Variants in CEP89 observed in about 807,000 individuals in gnomAD.
CEP89 encodes the protein centrosomal protein 89.
Under a neutral mutation model 97.6 loss-of-function variants are expected in CEP89, and 95 were observed. That is an observed-to-expected ratio of 0.97 (90% CI 0.82 to 1.15). The LOEUF (loss-of-function observed/expected upper bound fraction) is 1.15. Among genes scored for constraint, CEP89 ranks in the 50% most tolerant of loss-of-function variants. The probability of loss-of-function intolerance (pLI) is 0.00; values close to 1 mark genes in which losing one functional copy is unlikely to be tolerated. For missense variants in CEP89, 869 were observed against 947.7 expected, an observed-to-expected ratio of 0.92 and a Z score of 1.09; for synonymous variants, 354 against 349.1, an observed-to-expected ratio of 1.01 and a Z score of -0.16.
intron 16 of CEP89, among the ~76,000 whole-genome samples, chr19:32,893,478 C>G (rs1396769211): frequency 6.6e-6 from 1 of 152,276 alleles, no homozygotes; most frequent in East Asian, 1.9e-4. Context: ...ATCATCAAGA[C>G]AGAAAACTAA....
At chr19:32,963,811 G>T (rs1359178184) in intron 2 of CEP89, 2 of 152,112 alleles carry the variant, frequency 1.3e-5, no homozygotes, top group Non-Finnish European at 2.9e-5. Flanking sequence ...ACATTGGTTA[G>T]CTATGCAACT....
intron 16 of CEP89, among the ~76,000 whole-genome samples, chr19:32,889,369 G>A (rs1263275152): frequency 2.0e-5 from 3 of 152,208 alleles, no homozygotes; most frequent in African/African-American, 7.2e-5. Context: ...CTGGTGACAG[G>A]TGGAGCCAGG....
rs558101362 is a variant in CEP89 at position 32,910,587 on chromosome 19, CTT to C, written c.1565+4748_1565+4749del. On this transcript the variant is annotated intron_variant, in intron 14 of 18. Transcript: ENST00000305768. ...ACTTTTTAATTTTTTAACTTTTTGA[CTT>C]TTTTATAACACAGCTTAAAACACAC... Among the ~76,000 whole-genome samples, 628 of 152,154 alleles carry C rather than the reference CTT, an allele frequency of 4.1e-3. 5 individuals carry two copies. Among genetic ancestry groups the C allele is most frequent in the Middle Eastern group, 0.014 (4 of 294 alleles).
intron 9 of CEP89, 31 bp from the exon 10 acceptor site, chr19:32,927,015 T>A: frequency 6.4e-7 from 1 of 1,569,002 alleles, no homozygotes; most frequent in Admixed American, 1.7e-5. Context: ...GAAGACAAGT[T>A]AAACCACACT....
intron 13 of CEP89, chr19:32,917,946 C>G: frequency 3.7e-6 from 1 of 272,148 alleles, no homozygotes; most frequent in Non-Finnish European, 5.6e-6. Flanking sequence ...TTCTAAGGTA[C>G]TATTTTACCC....
intron 8 of CEP89, among the ~76,000 whole-genome samples, chr19:32,932,136 A>C (rs2145929327): frequency 6.6e-6 from 1 of 151,648 alleles, no homozygotes; most frequent in East Asian, 1.9e-4. Context: ...AGCCGAAATC[A>C]CGCCACTGCA....
At chr19:32,960,293 G>T (rs62125055) in intron 2 of CEP89, among the ~76,000 whole-genome samples, 17,652 of 152,178 alleles carry the variant, frequency 0.12, 1,168 homozygotes, top group East Asian at 0.24. Context: ...GACTTGTAAA[G>T]ATTACCTAGC....
rs917997738 is a variant in CEP89 at position 32,878,087 on chromosome 19, AT to A, written c.*1074del. ...GAGCCACCATGGCTGGCCTACAAAA[AT>A]TTTTTTTTTACAAAATTAGCCAGGC... On this transcript the variant is annotated 3_prime_UTR_variant, in exon 19 of 19. Transcript: ENST00000305768. The A allele has an allele frequency of 3.3e-5, 5 of 150,428 alleles. No homozygotes were observed. The highest frequency in any genetic ancestry group is 4.9e-5 in the African/African-American group (2 of 40,964). The allele number at this position is 150,428 out of a possible 1,614,324, so 9.3% of individuals were successfully genotyped here.
chr19:32,882,792 T>C (rs16967535), intron 17 of CEP89, among the ~76,000 whole-genome samples: 12,356 of 152,140 alleles, frequency 0.081, 1,563 homozygotes, highest in African/African-American at 0.27. Context: ...GAAAGCCCGC[T>C]ATTTACTTTC....
rs1265424963 is a variant in CEP89, at chr19:32,902,008, C to CTGTGTGTGTGTGTG, written c.1566-597_1566-596insCACACACACACACA. 2.6e-3 allele frequency among the ~76,000 whole-genome samples: 259 copies of CTGTGTGTGTGTGTG among 99,592 alleles called. 1 individual carries two copies. Among genetic ancestry groups the CTGTGTGTGTGTGTG allele is most frequent in the African/African-American group, 0.011 (241 of 21,246 alleles). The allele number at this position is 99,592 out of a possible 152,430, so 65.3% of individuals were successfully genotyped here. A position where few individuals can be genotyped will look rare whatever the true frequency, so the allele number is the denominator to read the frequency against. ...TCTCTGTCTCTCTGTCTCTCTCTCT[C>CTGTGTGTGTGTGTG]TCTGTGTGTGTGTGTGTGTGTGTGT... On this transcript the variant is annotated intron_variant, in intron 14 of 18. Coordinates refer to ENST00000305768, the MANE Select transcript of CEP89 (RefSeq NM_032816.5).
intron 9 of CEP89, 110 bp downstream of exon 9, chr19:32,931,319 C>T: frequency 9.8e-7 from 1 of 1,019,844 alleles, no homozygotes; most frequent in Non-Finnish European, 1.4e-6. Flanking sequence ...TTGGACAGAG[C>T]TTTTCTTACA....
intron 17 of CEP89, among the ~76,000 whole-genome samples, chr19:32,885,413 T>C (rs1969373933): frequency 1.3e-5 from 2 of 152,202 alleles, no homozygotes; most frequent in Admixed American, 1.3e-4. Context: ...CTCAAACTCC[T>C]GGGCTCAATC....
intron 5 of CEP89, among the ~76,000 whole-genome samples, chr19:32,945,461 G>A (rs4805021): frequency 0.22 from 33,425 of 151,970 alleles, 3,858 homozygotes; most frequent in Admixed American, 0.33. Flanking sequence ...CCAGGTGCAC[G>A]TTCCCAAGTA....
intron 5 of CEP89, among the ~76,000 whole-genome samples, chr19:32,942,113 G>A (rs112439331): frequency 2.0e-5 from 3 of 152,188 alleles, no homozygotes; most frequent in African/African-American, 7.2e-5. Context: ...CGGGCACACT[G>A]GCACATGCCT....
At chr19:32,950,274 A>C (rs1970882845) in intron 4 of CEP89, among the ~76,000 whole-genome samples, 1 of 152,118 alleles carries the variant, frequency 6.6e-6, no homozygotes, top group Non-Finnish European at 1.5e-5. Flanking sequence ...AAAAAGCATT[A>C]GGGGCCAGGT....
At chr19:32,900,031 G>C in intron 15 of CEP89, 33 bp from the exon 16 acceptor site, 1 of 1,610,184 alleles carries the variant, frequency 6.2e-7, no homozygotes, top group Non-Finnish European at 8.5e-7. Flanking sequence ...AGAATAAAAA[G>C]CCCATTAGTT....
intron 13 of CEP89, among the ~76,000 whole-genome samples, chr19:32,916,444 G>C (rs1226617224): frequency 6.6e-6 from 1 of 152,208 alleles, no homozygotes; most frequent in East Asian, 1.9e-4. Context: ...ACACCCAGGT[G>C]TGTAAGTATA....
rs1293576713 is a variant in CEP89, at chr19:32,899,344, G to A, written c.1875+513C>T. Reference sequence around the variant, plus strand: ...AGATGGGTTCTCACTATGTTACCCAGACTGGTCTTGAATTCCTGGGCTCAA... The same window carrying A: ...AGATGGGTTCTCACTATGTTACCCAAACTGGTCTTGAATTCCTGGGCTCAA... On this transcript the variant is annotated intron_variant, in intron 16 of 18. Transcript: ENST00000305768. Among the ~76,000 whole-genome samples, 14 of 152,028 alleles carry A rather than the reference G, an allele frequency of 9.2e-5. 1 individual carries two copies. The highest frequency in any genetic ancestry group is 9.2e-4 in the Admixed American group (14 of 15,254).
At chr19:32,912,317 G>T (rs1194226876) in intron 14 of CEP89, among the ~76,000 whole-genome samples, 1 of 152,164 alleles carries the variant, frequency 6.6e-6, no homozygotes. Flanking sequence ...ACTAGACGTT[G>T]CTGTGAAGTA....
Sources: gnomAD v4.1 joint callset for allele counts (sites outside exome capture counted in the v4.1 genomes callset) on GRCh38, gnomAD v4.1.1 for gene constraint, MANE v1.5 for transcripts, NCBI Gene and HGNC (gene_info 2026-07-23, HGNC 2026-07-21) for gene names.